PLEKHA5: variants seen among roughly 807,000 people sequenced by gnomAD.
The protein encoded by PLEKHA5 is pleckstrin homology domain containing A5, also known as pleckstrin homology domain-containing family A member 5.
PLEKHA5 carries 55 observed loss-of-function variants against 181.9 expected under a neutral mutation model. That is an observed-to-expected ratio of 0.30 (90% CI 0.24 to 0.38). PLEKHA5 has a LOEUF of 0.38. Ranked by LOEUF, PLEKHA5 falls within the 10% of genes least tolerant of loss-of-function variation. PLEKHA5 has a pLI of 1.00. For synonymous variants in PLEKHA5, 535 were observed against 529.4 expected (o/e 1.01, Z -0.15); for missense variants, 1,432 against 1,549.5 (o/e 0.92, Z 1.27).
chr12:19,292,938 C>CA (rs958207734), intron 15 of PLEKHA5, among the ~76,000 whole-genome samples: 9 of 149,552 alleles, frequency 6.0e-5, no homozygotes, highest in African/African-American at 7.4e-5. Flanking sequence ...GACTCTATCT[C>CA]AAAAAAAAAG....
intron 3 of PLEKHA5, among the ~76,000 whole-genome samples, chr12:19,168,391 T>C (rs2045053319): frequency 1.3e-5 from 2 of 152,100 alleles, no homozygotes; most frequent in Non-Finnish European, 2.9e-5. Context: ...ATAACCAAAG[T>C]GAATTATATC....
chr12:19,185,631 A>G (rs376584211), intron 3 of PLEKHA5, among the ~76,000 whole-genome samples: 5 of 152,338 alleles, frequency 3.3e-5, no homozygotes, highest in South Asian at 2.1e-4. Context: ...AATTGAACCA[A>G]TACATTCCCT....
Position 19,274,810 on chromosome 12 carries a change from A to G in PLEKHA5, c.1140A>G (p.Ser380=), listed in dbSNP as rs1382852872. ...VHYRPINLSS[S]ENKIVNVSLA... ...ACAGACCAATCAACTTGAGCAGTTC[A>G]GAGAACAAAATAGTCAATGTTAGCC... The change falls in exon 11 of 32, where the codon TCA becomes TCG. Residue 380 remains serine, a synonymous_variant. Coordinates refer to ENST00000429027, the MANE Select transcript of PLEKHA5 (RefSeq NM_001256470.2). The G allele has an allele frequency of 2.5e-6, 4 of 1,614,216 alleles. No individual in the cohort carries two copies. Among genetic ancestry groups the G allele is most frequent in the East Asian group, 4.5e-5 (2 of 44,870 alleles).
chr12:19,155,071 T>C (rs940439867), intron 3 of PLEKHA5, among the ~76,000 whole-genome samples: 2 of 151,768 alleles, frequency 1.3e-5, no homozygotes, highest in African/African-American at 2.4e-5. Context: ...ACTACAGGAG[T>C]TGTGCATGTG....
chr12:19,141,205 A>G (rs1047500473), intron 3 of PLEKHA5, among the ~76,000 whole-genome samples: 8 of 152,138 alleles, frequency 5.3e-5, no homozygotes, highest in African/African-American at 1.9e-4. Flanking sequence ...TAACCAGAAA[A>G]AATGGTTACG....
At chr12:19,226,228 C>A (rs2059667763) in intron 3 of PLEKHA5, among the ~76,000 whole-genome samples, 1 of 152,148 alleles carries the variant, frequency 6.6e-6, no homozygotes, top group Non-Finnish European at 1.5e-5. Context: ...TTTCACTTAG[C>A]ATAATGGTTT....
chr12:19,255,509 T>TTG, intron 5 of PLEKHA5, among the ~76,000 whole-genome samples: 1 of 151,860 alleles, frequency 6.6e-6, no homozygotes, highest in Non-Finnish European at 1.5e-5. Flanking sequence ...AGCAAAACCA[T>TTG]TGTAATAGTA....
chr12:19,167,661 T>C (rs1188328670), intron 3 of PLEKHA5, among the ~76,000 whole-genome samples: 1 of 152,106 alleles, frequency 6.6e-6, no homozygotes, highest in Middle Eastern at 3.2e-3. Flanking sequence ...TACTGGGCTT[T>C]CTTGTTGTGA....
chr12:19,260,050 A>G (rs1181464450), intron 6 of PLEKHA5, among the ~76,000 whole-genome samples: 1 of 152,000 alleles, frequency 6.6e-6, no homozygotes, highest in African/African-American at 2.4e-5. Context: ...TTTTATTAAA[A>G]TTCTAATTTT....
chr12:19,229,012 ATT>A (rs2060067336), intron 3 of PLEKHA5, among the ~76,000 whole-genome samples: 1 of 152,226 alleles, frequency 6.6e-6, no homozygotes, highest in Non-Finnish European at 1.5e-5. Context: ...TGACAAAGGA[ATT>A]TATACAAATG....
Position 19,129,788 on chromosome 12 carries a change from T to C in PLEKHA5, c.-12T>C, listed in dbSNP as rs569450488. 4.8e-4 allele frequency: 762 copies of C among 1,588,394 alleles called. 8 individuals are homozygous for C. The South Asian group carries it at 8.0e-3, about 17-fold the overall frequency. On this transcript the variant is annotated 5_prime_UTR_variant, in exon 1 of 32. Transcript: ENST00000429027. ...AGCAGGAGAAGGCGGCGGCGGCGGCTAGGGATCAGACATGGCGGCGGATCT... is the reference window on the plus strand; with the variant it reads ...AGCAGGAGAAGGCGGCGGCGGCGGCCAGGGATCAGACATGGCGGCGGATCT...
intron 3 of PLEKHA5, among the ~76,000 whole-genome samples, chr12:19,236,221 T>G (rs2061388966): frequency 6.6e-6 from 1 of 152,240 alleles, no homozygotes; most frequent in East Asian, 1.9e-4. Flanking sequence ...CCTTTTCTGC[T>G]AGTTAGTATA....
rs71440398 is a variant in PLEKHA5 at position 19,258,561 on chromosome 12, C to CTTTTTTTTTTTTTTTTTTT, written c.537+1039_537+1040insTTTTTTTTTTTTTTTTTTT. On this transcript the variant is annotated intron_variant, in intron 6 of 31. Transcript: ENST00000429027. The stretch of plus-strand genomic sequence containing the variant: ...TTTAGTTTCTTTTTTTTTTCTTTTT[C>CTTTTTTTTTTTTTTTTTTT]TTTTTTTTTTTTTTTGTGAGACAGG... 5.2e-4 allele frequency among the ~76,000 whole-genome samples: 64 copies of CTTTTTTTTTTTTTTTTTTT among 123,790 alleles called. 1 individual carries two copies. Among genetic ancestry groups the CTTTTTTTTTTTTTTTTTTT allele is most frequent in the Non-Finnish European group, 7.9e-4 (49 of 62,242 alleles). 81.2% of individuals were successfully genotyped at this position (123,790 alleles called of 152,430 possible). A position where few individuals can be genotyped will look rare whatever the true frequency, so the allele number is the denominator to read the frequency against.
chr12:19,357,622 T>G (rs564473673), intron 26 of PLEKHA5, among the ~76,000 whole-genome samples: 60 of 150,866 alleles, frequency 4.0e-4, no homozygotes, highest in South Asian at 1.6e-3. Context: ...TATGGGGGTT[T>G]GTTTGTTTGT....
chr12:19,301,772 G>T (rs569486961), intron 15 of PLEKHA5, among the ~76,000 whole-genome samples: 1 of 152,266 alleles, frequency 6.6e-6, no homozygotes, highest in South Asian at 2.1e-4. Flanking sequence ...AACTTCTGAA[G>T]TAATCTCAAT....
rs1280041908 is a variant in PLEKHA5 at position 19,375,619 on chromosome 12, A to G, written c.*100A>G. On this transcript the variant is annotated 3_prime_UTR_variant, in exon 32 of 32. Transcript: ENST00000429027. ...ATATTGTACAGTATATTTTAAATCT[A>G]TGAAATTCATAGTTCTGATGCTTTT... The G allele has an allele frequency of 6.6e-6, 1 of 152,650 alleles. No individual in the cohort carries two copies. The highest frequency in any genetic ancestry group is 1.5e-5 in the Non-Finnish European group (1 of 68,040). 9.5% of individuals were successfully genotyped at this position (152,650 alleles called of 1,614,324 possible). A position where few individuals can be genotyped will look rare whatever the true frequency, so the allele number is the denominator to read the frequency against.
At chr12:19,212,486 G>A (rs1565472610) in intron 3 of PLEKHA5, among the ~76,000 whole-genome samples, 2 of 152,120 alleles carry the variant, frequency 1.3e-5, no homozygotes, top group Non-Finnish European at 2.9e-5. Flanking sequence ...TTCAAGACCA[G>A]TCTGGCCAAC....
At chr12:19,261,573 C>A (rs77654224) in intron 7 of PLEKHA5, among the ~76,000 whole-genome samples, 5,383 of 152,094 alleles carry the variant, frequency 0.035, 102 homozygotes, top group Middle Eastern at 0.061. Flanking sequence ...CTCTTAGATA[C>A]TACAAGATAC....
chr12:19,165,390 T>C (rs566950593), intron 3 of PLEKHA5, among the ~76,000 whole-genome samples: 2 of 152,240 alleles, frequency 1.3e-5, no homozygotes, highest in African/African-American at 4.8e-5. Flanking sequence ...TGTTTTTTGA[T>C]TTAGAAACCG....
Sources: allele counts gnomAD v4.1 joint callset (sites outside exome capture counted in the v4.1 genomes callset), GRCh38; gene constraint gnomAD v4.1.1; transcripts MANE v1.5; gene names NCBI Gene and HGNC (gene_info 2026-07-23, HGNC 2026-07-21).